The following ARHGAP26 variants were observed in gnomAD, a reference collection of about 807,000 sequenced individuals.
The protein encoded by ARHGAP26 is rho GTPase-activating protein 26.
ARHGAP26 carries 38 observed loss-of-function variants against 104.8 expected under a neutral mutation model. The ratio of observed to expected loss-of-function variants is 0.36; its 90% CI spans 0.28 to 0.48. The LOEUF (loss-of-function observed/expected upper bound fraction) is 0.48, where lower values mean the gene tolerates loss of function less well. Ranked by LOEUF, ARHGAP26 falls within the 20% of genes least tolerant of loss-of-function variation. ARHGAP26 has a pLI of 0.99. For missense variants in ARHGAP26, 704 were observed against 947.9 expected (o/e 0.74, Z 3.38); for synonymous variants, 341 against 340.0 (o/e 1.00, Z -0.03).
chr5:142,884,741 A>C (rs1293422042), intron 4 of ARHGAP26, among the ~76,000 whole-genome samples: 2 of 152,200 alleles, frequency 1.3e-5, no homozygotes, highest in African/African-American at 4.8e-5. Flanking sequence ...AATGTGTGTG[A>C]AGATAATATT....
chr5:142,885,062 C>A (rs1218545057), intron 4 of ARHGAP26, among the ~76,000 whole-genome samples: 1 of 152,146 alleles, frequency 6.6e-6, no homozygotes, highest in Non-Finnish European at 1.5e-5. Flanking sequence ...GCTTTGCCAC[C>A]ATTAGATATT....
chr5:143,006,309 G>GT (rs1777940486), intron 11 of ARHGAP26, among the ~76,000 whole-genome samples: 1 of 94,868 alleles, frequency 1.1e-5, no homozygotes, highest in Non-Finnish European at 1.9e-5. Context: ...CACCTTTAGT[G>GT]TTTTTTCTTT....
chr5:142,975,978 T>G (rs1340026200), intron 11 of ARHGAP26, among the ~76,000 whole-genome samples: 1 of 152,216 alleles, frequency 6.6e-6, no homozygotes, highest in Non-Finnish European at 1.5e-5. Context: ...GGAAAAACTC[T>G]CCGTGGAACT....
intron 1 of ARHGAP26, among the ~76,000 whole-genome samples, chr5:142,861,745 C>G (rs886772679): frequency 4.6e-5 from 7 of 152,218 alleles, no homozygotes; most frequent in African/African-American, 1.7e-4. Context: ...CATCATCTCT[C>G]TTCTCACAGG....
chr5:142,981,892 AT>A (rs1298479494), intron 11 of ARHGAP26, among the ~76,000 whole-genome samples: 1 of 152,114 alleles, frequency 6.6e-6, no homozygotes, highest in Non-Finnish European at 1.5e-5. Flanking sequence ...AAAGGCTTCC[AT>A]TTTGCTATCC....
intron 11 of ARHGAP26, among the ~76,000 whole-genome samples, chr5:142,961,761 C>A (rs1415090023): frequency 1.3e-5 from 2 of 152,154 alleles, no homozygotes; most frequent in East Asian, 1.9e-4. Context: ...TGAAAATATT[C>A]AACTTTTAGA....
At chr5:142,867,251 C>T (rs1597990403) in intron 1 of ARHGAP26, among the ~76,000 whole-genome samples, 3 of 150,888 alleles carry the variant, frequency 2.0e-5, no homozygotes, top group African/African-American at 7.4e-5. Context: ...GAGAAAAATG[C>T]TATGGAGAAT....
At chr5:142,891,158 C>T (rs907347155) in intron 5 of ARHGAP26, among the ~76,000 whole-genome samples, 5 of 151,894 alleles carry the variant, frequency 3.3e-5, no homozygotes, top group Admixed American at 6.6e-5. Flanking sequence ...GGGGCTTAGC[C>T]GCAGGAGCCC....
At chr5:143,057,911 C>A in intron 17 of ARHGAP26, 164 bp downstream of exon 17, 1 of 735,250 alleles carries the variant, frequency 1.4e-6, no homozygotes, top group Non-Finnish European at 2.5e-6. Context: ...CAGTGGAGAA[C>A]AGCAGCAAAT....
chr5:143,196,142 CT>C (rs1806792852), intron 20 of ARHGAP26, among the ~76,000 whole-genome samples: 1 of 151,926 alleles, frequency 6.6e-6, no homozygotes, highest in Non-Finnish European at 1.5e-5. Flanking sequence ...CAAACACCCC[CT>C]AAATAATACT....
intron 1 of ARHGAP26, among the ~76,000 whole-genome samples, chr5:142,835,260 G>T (rs1769325136): frequency 6.6e-6 from 1 of 152,154 alleles, no homozygotes; most frequent in African/African-American, 2.4e-5. Flanking sequence ...ACTTGGAATG[G>T]CTGTTCTTCA....
intron 20 of ARHGAP26, among the ~76,000 whole-genome samples, chr5:143,178,888 TC>T (rs35382497): frequency 0.034 from 5,106 of 151,246 alleles, 291 homozygotes; most frequent in African/African-American, 0.12. Flanking sequence ...TTTTTTTTTT[TC>T]CAAGGAGTCT....
At chr5:143,021,621 C>T (rs1187807744) in intron 12 of ARHGAP26, among the ~76,000 whole-genome samples, 4 of 151,858 alleles carry the variant, frequency 2.6e-5, no homozygotes, top group African/African-American at 9.7e-5. Flanking sequence ...AGGTGGTGCG[C>T]CTCTCTAAGC....
intron 11 of ARHGAP26, among the ~76,000 whole-genome samples, chr5:142,978,322 G>A (rs972593377): frequency 1.2e-4 from 19 of 152,126 alleles, no homozygotes; most frequent in African/African-American, 3.6e-4. Flanking sequence ...GTGATGAGGA[G>A]GTATGAGATA....
chr5:143,099,068 A>G (rs1283923756), intron 17 of ARHGAP26, among the ~76,000 whole-genome samples: 4 of 152,208 alleles, frequency 2.6e-5, no homozygotes, highest in African/African-American at 9.7e-5. Flanking sequence ...AATGTTCTGT[A>G]GGGCAATAAA....
chr5:142,949,164 C>CGAGAGAGAGAGAGA lies in ARHGAP26; in HGVS notation c.1107+17039_1107+17040insGAGAGAGAGAGAGA, dbSNP rs1767641310. On this transcript the variant is annotated intron_variant, in intron 11 of 22. Coordinates refer to ENST00000645722, the MANE Select transcript of ARHGAP26 (RefSeq NM_001135608.3). ...CTGCTGAAGTTTTATAGTTGAATTTCCAGAGAGAGAGAGAGAGAGAGAGAG... is the reference window on the plus strand; with the variant it reads ...CTGCTGAAGTTTTATAGTTGAATTTCGAGAGAGAGAGAGACAGAGAGAGAGAGAGAGAGAGAGAG... 2.0e-4 allele frequency among the ~76,000 whole-genome samples: 8 copies of CGAGAGAGAGAGAGA among 40,630 alleles called. 2 individuals carry two copies. The highest frequency in any genetic ancestry group is 2.1e-3 in the South Asian group (2 of 934). 26.7% of individuals were successfully genotyped at this position (40,630 alleles called of 152,430 possible). A position where few individuals can be genotyped will look rare whatever the true frequency, so the allele number is the denominator to read the frequency against.
rs150200702 is a variant in ARHGAP26 at position 142,989,027 on chromosome 5, T to A, written c.1108-25053T>A. 1.0e-3 allele frequency among the ~76,000 whole-genome samples: 159 copies of A among 152,298 alleles called. 4 individuals carry two copies. In the East Asian group the frequency reaches 0.03, roughly 28 times the overall value. On this transcript the variant is annotated intron_variant, in intron 11 of 22. Transcript: ENST00000645722. The stretch of plus-strand genomic sequence containing the variant: ...TAGGTCTGCTTGGTGCAGAGCTGAG[T>A]TCAATTCCTGGATATCCTTTTTAAC...
chr5:143,210,462 C>CCCTCTTCAA (rs1320273124), intron 21 of ARHGAP26, among the ~76,000 whole-genome samples: 8 of 152,140 alleles, frequency 5.3e-5, no homozygotes. Flanking sequence ...TATCACTGTC[C>CCCTCTTCAA]CCTCTTCAAA....
intron 14 of ARHGAP26, among the ~76,000 whole-genome samples, chr5:143,053,843 C>A (rs928142802): frequency 2.0e-5 from 3 of 152,148 alleles, no homozygotes; most frequent in Non-Finnish European, 4.4e-5. Flanking sequence ...GAAAAAGTTT[C>A]TCATAGACAT....
Sources: gnomAD v4.1 joint callset for allele counts (sites outside exome capture counted in the v4.1 genomes callset) on GRCh38, gnomAD v4.1.1 for gene constraint, MANE v1.5 for transcripts, NCBI Gene and HGNC (gene_info 2026-07-23, HGNC 2026-07-21) for gene names.